Variants in USP34 observed in about 807,000 individuals in gnomAD.
USP34 encodes the protein ubiquitin specific peptidase 34.
In USP34, 70 loss-of-function variants were observed where a neutral mutation model predicts 460.3. The observed-to-expected ratio is 0.15, with a 90% CI of 0.13 to 0.19. USP34 has a LOEUF of 0.19. USP34 is among the 10% of genes least tolerant of loss of function. USP34 has a pLI of 1.00. For synonymous variants in USP34, 1,647 were observed against 1,405.3 expected, an observed-to-expected ratio of 1.17 and a Z score of -3.85; for missense variants, 3,985 against 4,236.2, an observed-to-expected ratio of 0.94 and a Z score of 1.65.
At chr2:61,329,933 C>T (rs1691209815) in intron 20 of USP34, among the ~76,000 whole-genome samples, 1 of 152,114 alleles carries the variant, frequency 6.6e-6, no homozygotes, top group South Asian at 2.1e-4. Context: ...ATACTGCCTT[C>T]CTAATTTGAC....
At chr2:61,341,526 T>C (rs1016658315) in intron 16 of USP34, among the ~76,000 whole-genome samples, 4 of 152,028 alleles carry the variant, frequency 2.6e-5, no homozygotes, top group African/African-American at 9.7e-5. Context: ...AATTCTTACA[T>C]TGAGTTCAGA....
chr2:61,362,123 C>T (rs1008874800), intron 10 of USP34, among the ~76,000 whole-genome samples: 1 of 152,180 alleles, frequency 6.6e-6, no homozygotes, highest in Admixed American at 6.5e-5. Flanking sequence ...CTCACACCTA[C>T]GTTGTAACAA....
intron 10 of USP34, among the ~76,000 whole-genome samples, chr2:61,351,833 T>C (rs955090008): frequency 2.0e-5 from 3 of 152,176 alleles, no homozygotes; most frequent in Admixed American, 2.0e-4. Context: ...CACCACTAAG[T>C]ATCCATTTAA....
chr2:61,405,964 T>G lies in USP34; in HGVS notation c.296A>C (p.Asn99Thr). Residue 99 changes from asparagine (N) to threonine (T), a missense_variant, in exon 3 of 80, where the codon AAT becomes ACT. Transcript: ENST00000398571. ...NIDSTWQDES[N>T]QAEEPLNIDR... ...TATATTCAGTGGTTCTTCTGCTTGA[T>G]TACTCTCATCTTGCCACGTGGAATC... 6.2e-7 allele frequency: 1 copy of G among 1,613,714 alleles called. No homozygotes were observed. The highest frequency in any genetic ancestry group is 8.5e-7 in the Non-Finnish European group (1 of 1,179,976).
At chr2:61,324,045 T>TCC (rs1691010496) in intron 21 of USP34, among the ~76,000 whole-genome samples, 1 of 152,192 alleles carries the variant, frequency 6.6e-6, no homozygotes. Flanking sequence ...TCATGACGAC[T>TCC]CCTAGCAAGA....
chr2:61,321,419 C>G (rs113480145), intron 21 of USP34, among the ~76,000 whole-genome samples: 1 of 152,074 alleles, frequency 6.6e-6, no homozygotes, highest in African/African-American at 2.4e-5. Flanking sequence ...TGCAGTGAGC[C>G]AAGATTTGCG....
chr2:61,259,643 C>T (rs1444033165), intron 44 of USP34, 68 bp downstream of exon 44: 2 of 1,512,174 alleles, frequency 1.3e-6, no homozygotes, highest in East Asian at 4.5e-5. Flanking sequence ...ACCTTGGCCT[C>T]CCAAAATGCT....
At chr2:61,455,856 T>C (rs1177713929) in intron 1 of USP34, among the ~76,000 whole-genome samples, 4 of 152,310 alleles carry the variant, frequency 2.6e-5, no homozygotes, top group African/African-American at 9.6e-5. Context: ...ATTAAGAATA[T>C]CCTCATCTCC....
chr2:61,233,844 A>T (rs994633622), intron 57 of USP34, among the ~76,000 whole-genome samples: 3 of 32,868 alleles, frequency 9.1e-5, no homozygotes, highest in Non-Finnish European at 2.1e-4. Context: ...CTCTGGGGGT[A>T]AAAAAAAAAA....
At chr2:61,452,546 TGACCTCAGGTG>T (rs1695315201) in intron 1 of USP34, among the ~76,000 whole-genome samples, 1 of 151,864 alleles carries the variant, frequency 6.6e-6, no homozygotes, top group Non-Finnish European at 1.5e-5. Context: ...GCTGGTCTCC[TGACCTCAGGTG>T]GTGATCCACC....
intron 75 of USP34, chr2:61,193,487 T>C (rs1686702973): frequency 6.6e-6 from 1 of 152,336 alleles, no homozygotes. Flanking sequence ...TTAACACCAG[T>C]TTCTTGGCTT....
intron 22 of USP34, among the ~76,000 whole-genome samples, chr2:61,318,939 T>C (rs535081252): frequency 5.3e-5 from 8 of 152,328 alleles, no homozygotes; most frequent in African/African-American, 1.4e-4. Context: ...TGTTGAATTA[T>C]TGTAGCTAAT....
chr2:61,304,889 T>C (rs1334952208), intron 27 of USP34, among the ~76,000 whole-genome samples: 2 of 152,166 alleles, frequency 1.3e-5, no homozygotes, highest in East Asian at 1.9e-4. Flanking sequence ...TCTTTATCAG[T>C]TCTAAATAGA....
At chr2:61,235,697 C>T (rs1002656206) in intron 57 of USP34, 148 bp downstream of exon 57, 6 of 689,238 alleles carry the variant, frequency 8.7e-6, no homozygotes, top group African/African-American at 3.6e-5. Flanking sequence ...TAAATTATAA[C>T]TTTCTCAGCT....
intron 1 of USP34, 113 bp downstream of exon 1, chr2:61,470,537 G>T: frequency 1.7e-6 from 1 of 572,400 alleles, no homozygotes; most frequent in Non-Finnish European, 2.9e-6. Context: ...AGGCCCGCAC[G>T]CCGCCCGGCC....
intron 2 of USP34, chr2:61,417,120 C>T: frequency 6.4e-7 from 1 of 1,554,912 alleles, no homozygotes; most frequent in East Asian, 2.2e-5. Flanking sequence ...TATGGATGGA[C>T]ATAACTTGGC....
chr2:61,419,566 C>T (rs1694298471), intron 2 of USP34, among the ~76,000 whole-genome samples: 1 of 152,184 alleles, frequency 6.6e-6, no homozygotes, highest in Non-Finnish European at 1.5e-5. Context: ...CCCACCCCAT[C>T]TCTACCAATA....
At chr2:61,274,415 G>C (rs1255321437) in intron 41 of USP34, among the ~76,000 whole-genome samples, 1 of 138,374 alleles carries the variant, frequency 7.2e-6, no homozygotes, top group Non-Finnish European at 1.6e-5. Flanking sequence ...TAAGAAACAA[G>C]CATAACAAAA....
intron 41 of USP34, 40 bp downstream of exon 41, chr2:61,278,125 A>T (rs1689428705): frequency 6.2e-7 from 1 of 1,602,970 alleles, no homozygotes; most frequent in African/African-American, 1.3e-5. Context: ...AAAAATTTCA[A>T]TCACATTTCA....
Sources: allele counts gnomAD v4.1 joint callset (sites outside exome capture counted in the v4.1 genomes callset), GRCh38; gene constraint gnomAD v4.1.1; transcripts MANE v1.5; gene names NCBI Gene and HGNC (gene_info 2026-07-23, HGNC 2026-07-21).